Variants in NALCN observed in about 807,000 individuals in gnomAD.
NALCN encodes the protein sodium leak channel NALCN.
In NALCN, 111 loss-of-function variants were observed where a neutral mutation model predicts 225.3. That is an observed-to-expected ratio of 0.49 (90% CI 0.42 to 0.58). NALCN has a LOEUF of 0.58. Among genes scored for constraint, NALCN ranks in the 20% least tolerant of loss-of-function variants. NALCN has a pLI of 0.00. For synonymous variants in NALCN, 764 were observed against 769.0 expected, an observed-to-expected ratio of 0.99 and a Z score of 0.11; for missense variants, 1,378 against 2,202.4, an observed-to-expected ratio of 0.63 and a Z score of 7.49.
chr13:101,256,228 T>C (rs1035785614), intron 11 of NALCN, among the ~76,000 whole-genome samples: 13 of 152,232 alleles, frequency 8.5e-5, no homozygotes, highest in African/African-American at 3.1e-4. Flanking sequence ...TAACCTCTTC[T>C]GGTTCTATTA....
At chr13:101,272,245 A>G (rs2042818282) in intron 10 of NALCN, among the ~76,000 whole-genome samples, 1 of 150,990 alleles carries the variant, frequency 6.6e-6, no homozygotes, top group African/African-American at 2.4e-5. Flanking sequence ...ATGAGTGTGT[A>G]TGTGTGTGTA....
At chr13:101,357,288 A>T (rs929172194) in intron 6 of NALCN, among the ~76,000 whole-genome samples, 1 of 152,158 alleles carries the variant, frequency 6.6e-6, no homozygotes, top group Non-Finnish European at 1.5e-5. Flanking sequence ...AGAAAACCCC[A>T]TCATCTCAGC....
intron 14 of NALCN, among the ~76,000 whole-genome samples, chr13:101,178,833 G>A (rs1485793434): frequency 6.6e-6 from 1 of 152,156 alleles, no homozygotes; most frequent in Non-Finnish European, 1.5e-5. Flanking sequence ...AAAAGAGGGA[G>A]GTATTTTCTG....
intron 10 of NALCN, among the ~76,000 whole-genome samples, chr13:101,283,405 G>A (rs1594599389): frequency 6.6e-6 from 1 of 152,164 alleles, no homozygotes; most frequent in East Asian, 1.9e-4. Context: ...AGGGACGTGA[G>A]ACTCCATCTT....
intron 7 of NALCN, among the ~76,000 whole-genome samples, chr13:101,332,872 A>T (rs1035992094): frequency 2.0e-5 from 3 of 152,232 alleles, no homozygotes; most frequent in Non-Finnish European, 2.9e-5. Context: ...CAATGTCTGT[A>T]CACACGCACA....
At chr13:101,083,253 C>G in intron 31 of NALCN, 55 bp from the exon 32 acceptor site, 1 of 1,408,496 alleles carries the variant, frequency 7.1e-7, no homozygotes. Context: ...CATTTACTTT[C>G]TTGTCGTTTA....
intron 34 of NALCN, among the ~76,000 whole-genome samples, chr13:101,081,086 A>T (rs1026746657): frequency 5.3e-5 from 8 of 152,230 alleles, no homozygotes. Flanking sequence ...TCACATTGTG[A>T]AATACTGATT....
At chr13:101,088,664 C>A (rs1456234740) in intron 30 of NALCN, among the ~76,000 whole-genome samples, 1 of 152,126 alleles carries the variant, frequency 6.6e-6, no homozygotes, top group African/African-American at 2.4e-5. Flanking sequence ...TACTATGATT[C>A]CAAAGACTGC....
rs577392536 is a variant in NALCN at position 101,392,975 on chromosome 13, G to C, written c.291+2208C>G. Among the ~76,000 whole-genome samples, 385 of 152,238 alleles carry C rather than the reference G, an allele frequency of 2.5e-3. 2 individuals are homozygous for C. Among genetic ancestry groups the C allele is most frequent in the Middle Eastern group, 0.01 (3 of 294 alleles). ...CAAGAATGTGCAAAATCTGTATGAG[G>C]AAACCTACAAAACTCTCCTGTATGA... On this transcript the variant is annotated intron_variant, in intron 3 of 43. Coordinates refer to ENST00000251127, the MANE Select transcript of NALCN (RefSeq NM_052867.4).
At chr13:101,314,019 G>T (rs1046693419) in intron 7 of NALCN, among the ~76,000 whole-genome samples, 3 of 151,936 alleles carry the variant, frequency 2.0e-5, no homozygotes, top group African/African-American at 7.3e-5. Flanking sequence ...TAGGGACATG[G>T]ATGAAGCTGG....
At chr13:101,180,494 C>T (rs756003958) in intron 14 of NALCN, 8 of 154,280 alleles carry the variant, frequency 5.2e-5, no homozygotes, top group Non-Finnish European at 1.0e-4. Context: ...TGTGAGTCAC[C>T]ACGCCTGGCC....
At chr13:101,134,843 A>G (rs1306985021) in intron 17 of NALCN, among the ~76,000 whole-genome samples, 2 of 152,216 alleles carry the variant, frequency 1.3e-5, no homozygotes, top group East Asian at 1.9e-4. Context: ...GGGAAAAGCA[A>G]TATCTTCGAG....
chr13:101,266,948 A>T (rs150740167), intron 10 of NALCN, among the ~76,000 whole-genome samples: 2 of 152,238 alleles, frequency 1.3e-5, no homozygotes, highest in African/African-American at 4.8e-5. Flanking sequence ...AAACATAACC[A>T]GTGGATATCC....
In NALCN at chr13:101,195,998, C is replaced by T. The variant is rs74777489; in HGVS notation, c.1627-3944G>A. Among the ~76,000 whole-genome samples the T allele has an allele frequency of 1.4e-4, 22 of 152,236 alleles. No homozygotes were observed. The East Asian group carries it at 3.9e-3, about 27-fold the overall frequency. On this transcript the variant is annotated intron_variant, in intron 13 of 43. Transcript: ENST00000251127. Reference sequence around the variant, plus strand: ...TCAATATGTTGATAGTCAATGTTTCCTATGAAAACATTGCTCACTCTTGGG... The same window carrying T: ...TCAATATGTTGATAGTCAATGTTTCTTATGAAAACATTGCTCACTCTTGGG...
At chr13:101,330,443 C>G (rs1566583144) in intron 7 of NALCN, among the ~76,000 whole-genome samples, 1 of 152,052 alleles carries the variant, frequency 6.6e-6, no homozygotes, top group African/African-American at 2.4e-5. Flanking sequence ...CTGGGTGTTA[C>G]AAAGGATTGT....
intron 13 of NALCN, among the ~76,000 whole-genome samples, chr13:101,200,105 T>A (rs1398688032): frequency 6.6e-6 from 1 of 152,124 alleles, no homozygotes; most frequent in Non-Finnish European, 1.5e-5. Flanking sequence ...ACAGTTATAT[T>A]TCCAGCCCCA....
chr13:101,211,483 G>C lies in NALCN; in HGVS notation c.1626+17910C>G, dbSNP rs191254633. On this transcript the variant is annotated intron_variant, in intron 13 of 43. Transcript: ENST00000251127. The stretch of plus-strand genomic sequence containing the variant: ...TATGTGATTCATCCTCTAAAAGGAA[G>C]TACACAGGATATTATTTTATCATTT... Among the ~76,000 whole-genome samples, 271 of 151,826 alleles carry C rather than the reference G, an allele frequency of 1.8e-3. 1 individual carries two copies. Among genetic ancestry groups the C allele is most frequent in the Middle Eastern group, 0.01 (3 of 292 alleles).
At chr13:101,151,295 C>T (rs2037635942) in intron 15 of NALCN, among the ~76,000 whole-genome samples, 1 of 152,192 alleles carries the variant, frequency 6.6e-6, no homozygotes, top group Non-Finnish European at 1.5e-5. Flanking sequence ...GTGCTTTCTT[C>T]TGTTAAAATA....
At chr13:101,300,212 A>T (rs2043902018) in intron 7 of NALCN, among the ~76,000 whole-genome samples, 1 of 152,256 alleles carries the variant, frequency 6.6e-6, no homozygotes, top group East Asian at 1.9e-4. Context: ...AGCAGCTAGA[A>T]CTAAATTACT....
Sources: gnomAD v4.1 joint callset for allele counts (sites outside exome capture counted in the v4.1 genomes callset) on GRCh38, gnomAD v4.1.1 for gene constraint, MANE v1.5 for transcripts, NCBI Gene and HGNC (gene_info 2026-07-23, HGNC 2026-07-21) for gene names.